Variants in ACSF3 observed in about 807,000 individuals in gnomAD.
ACSF3 encodes the protein acyl-CoA synthetase family member 3.
In ACSF3, 78 loss-of-function variants were observed where a neutral mutation model predicts 53.2. The ratio of observed to expected loss-of-function variants is 1.47; its 90% CI spans 1.22 to 1.77. ACSF3 has a LOEUF of 1.77. Among genes scored for constraint, ACSF3 ranks in the 40% most tolerant of loss-of-function variants. The pLI is 0.00. For missense variants in ACSF3, 937 were observed against 771.1 expected, an observed-to-expected ratio of 1.22 and a Z score of -2.55; for synonymous variants, 414 against 333.1, an observed-to-expected ratio of 1.24 and a Z score of -2.65.
At chr16:89,131,908 G>A (rs1909402529) in intron 7 of ACSF3, among the ~76,000 whole-genome samples, 1 of 152,286 alleles carries the variant, frequency 6.6e-6, no homozygotes, top group Non-Finnish European at 1.5e-5. Context: ...CACCATGTGG[G>A]GCAGGTGTTT....
chr16:89,105,693 G>T (rs941963618), intron 4 of ACSF3, among the ~76,000 whole-genome samples: 1 of 152,248 alleles, frequency 6.6e-6, no homozygotes, highest in Admixed American at 6.5e-5. Flanking sequence ...GGCGCTGACG[G>T]TGGCTGGTCT....
At chr16:89,114,299 G>A (rs768384008) in intron 5 of ACSF3, 40 bp from the exon 6 acceptor site, 80 of 1,612,460 alleles carry the variant, frequency 5.0e-5, no homozygotes, top group South Asian at 2.4e-4. Flanking sequence ...CGAGAGCCAC[G>A]TCCCAAGGGG....
intron 7 of ACSF3, among the ~76,000 whole-genome samples, chr16:89,124,470 T>G (rs1268172673): frequency 8.3e-6 from 1 of 120,652 alleles, no homozygotes; most frequent in African/African-American, 3.0e-5. Context: ...TGCGCATGTG[T>G]GATACCCGTG....
chr16:89,104,570 G>T (rs926686219), intron 4 of ACSF3, among the ~76,000 whole-genome samples: 1 of 152,214 alleles, frequency 6.6e-6, no homozygotes, highest in Admixed American at 6.5e-5. Context: ...AATTTCGCCA[G>T]GAAGGGGTCC....
chr16:89,153,741 C>T (rs1914395765), intron 10 of ACSF3: 1 of 363,496 alleles, frequency 2.8e-6, no homozygotes, highest in South Asian at 2.6e-5. Context: ...CTTCCAGCTC[C>T]AGTGCGGGGA....
chr16:89,108,293 C>G (rs1296771402), intron 4 of ACSF3, among the ~76,000 whole-genome samples: 1 of 152,202 alleles, frequency 6.6e-6, no homozygotes, highest in African/African-American at 2.4e-5. Context: ...CTTCATTTGT[C>G]CCTACAGAGG....
intron 2 of ACSF3, among the ~76,000 whole-genome samples, chr16:89,100,000 G>A (rs1975083165): frequency 1.3e-5 from 2 of 152,008 alleles, no homozygotes; most frequent in African/African-American, 2.4e-5. Context: ...AAAAAGCTGG[G>A]TGTGGTATCA....
chr16:89,151,110 G>T (rs771246394), intron 10 of ACSF3: 107 of 1,191,154 alleles, frequency 9.0e-5, no homozygotes, highest in Non-Finnish European at 1.1e-4. Context: ...AGGCATGCGG[G>T]CTCTGACGGG....
At chr16:89,114,699 A>T (rs940505291) in intron 6 of ACSF3, 2 of 696,096 alleles carry the variant, frequency 2.9e-6, no homozygotes, top group South Asian at 1.7e-5. Flanking sequence ...AGTCGGGTGG[A>T]TGGGGGAGGT....
intron 1 of ACSF3, 41 bp from the exon 2 acceptor site, chr16:89,098,550 T>C (rs978870742): frequency 7.0e-6 from 3 of 429,084 alleles, no homozygotes; most frequent in South Asian, 1.6e-5. Context: ...GGAAGCGTTA[T>C]ACACACAGCC....
intron 8 of ACSF3, among the ~76,000 whole-genome samples, chr16:89,139,785 G>C (rs1414023255): frequency 6.6e-6 from 1 of 151,920 alleles, no homozygotes; most frequent in Non-Finnish European, 1.5e-5. Flanking sequence ...AGTAGAGACG[G>C]GGTTTCACCA....
intron 7 of ACSF3, among the ~76,000 whole-genome samples, chr16:89,123,010 CCCTGCAAGGTGAAGCCGCACAGATGCT>C (rs1907033103): frequency 6.6e-6 from 1 of 152,202 alleles, no homozygotes; most frequent in Non-Finnish European, 1.5e-5. Context: ...TGCAGGCAGA[CCCTGCAAGGTGAAGCCGCACAGATGCT>C]CTGGGGCTGC....
At chr16:89,147,172 TC>T (rs1913132233) in intron 10 of ACSF3, among the ~76,000 whole-genome samples, 3 of 43,238 alleles carry the variant, frequency 6.9e-5, no homozygotes, top group African/African-American at 1.9e-4. Context: ...GGAGGGAGGG[TC>T]CACAGAGGGA....
intron 6 of ACSF3, among the ~76,000 whole-genome samples, 160 bp from the exon 7 acceptor site, chr16:89,120,641 A>G (rs968154982): frequency 2.6e-5 from 4 of 152,170 alleles, no homozygotes; most frequent in African/African-American, 9.6e-5. Context: ...GCTGGTGCCT[A>G]CACCATCTTC....
chr16:89,145,240 C>T, intron 8 of ACSF3, 27 bp from the exon 9 acceptor site: 2 of 1,614,118 alleles, frequency 1.2e-6, no homozygotes, highest in Non-Finnish European at 1.7e-6. Flanking sequence ...TAAGGATGGC[C>T]AGTTAACCAG....
rs8060043 is a variant in ACSF3, at chr16:89,101,384, C to T, written c.666+37C>T. On this transcript the variant is annotated intron_variant, in intron 3 of 10. Transcript: ENST00000614302. ...CTGGCGCCGTGATGGTTTCGGTGAC[C>T]GCACAGCACTCCGGGTGGGCTCCGG... is the stretch of plus-strand genomic sequence containing the variant. 1,137,220 of 1,552,638 alleles carry T rather than the reference C, an allele frequency of 0.73. 421,048 individuals are homozygous for T. The highest frequency in any genetic ancestry group is 0.8 in the Admixed American group (40,928 of 51,316).
intron 8 of ACSF3, chr16:89,141,195 C>A (rs1191548978): frequency 7.8e-7 from 1 of 1,287,096 alleles, no homozygotes; most frequent in Non-Finnish European, 1.0e-6. Context: ...GCTCCGATGC[C>A]TCTGAGCCCT....
intron 6 of ACSF3, among the ~76,000 whole-genome samples, chr16:89,120,293 A>G (rs950461299): frequency 6.6e-6 from 1 of 152,238 alleles, no homozygotes; most frequent in African/African-American, 2.4e-5. Context: ...TGCAGAGTTC[A>G]GGACAGCCCC....
chr16:89,114,676 T>G, intron 6 of ACSF3, 189 bp downstream of exon 6: 1 of 799,130 alleles, frequency 1.3e-6, no homozygotes, highest in Non-Finnish European at 2.0e-6. Flanking sequence ...AGATCAGCCT[T>G]CTCCCAAGTC....
Sources: gnomAD v4.1 joint callset for allele counts (sites outside exome capture counted in the v4.1 genomes callset) on GRCh38, gnomAD v4.1.1 for gene constraint, MANE v1.5 for transcripts, NCBI Gene and HGNC (gene_info 2026-07-23, HGNC 2026-07-21) for gene names.